The following COL8A1 variants were observed in gnomAD, a reference collection of about 807,000 sequenced individuals.
The protein encoded by COL8A1 is collagen type VIII alpha 1 chain.
In COL8A1, 21 loss-of-function variants were observed where a neutral mutation model predicts 42.7. The observed-to-expected ratio is 0.49, with a 90% confidence interval of 0.35 to 0.71. The LOEUF is 0.71. Ranked by LOEUF, COL8A1 falls within the 30% of genes least tolerant of loss-of-function variation. The pLI, the probability that COL8A1 is intolerant of heterozygous loss-of-function variation, is 0.01. For synonymous variants in COL8A1, 367 were observed against 369.1 expected (o/e 0.99, Z 0.06); for missense variants, 788 against 962.4 (o/e 0.82, Z 2.40).
chr3:99,665,780 C>T (rs1429207499), intron 1 of COL8A1, among the ~76,000 whole-genome samples: 1 of 145,478 alleles, frequency 6.9e-6, no homozygotes, highest in Non-Finnish European at 1.5e-5. Flanking sequence ...CTCCCGGGTT[C>T]AAGCAATTCT....
At chr3:99,757,466 G>A (rs888156904) in intron 2 of COL8A1, among the ~76,000 whole-genome samples, 1 of 152,084 alleles carries the variant, frequency 6.6e-6, no homozygotes, top group Non-Finnish European at 1.5e-5. Context: ...GAGCACTGCC[G>A]ACCTGAAAAG....
chr3:99,689,545 G>T (rs1160607473), intron 1 of COL8A1, among the ~76,000 whole-genome samples: 2 of 151,990 alleles, frequency 1.3e-5, no homozygotes, highest in Non-Finnish European at 1.5e-5. Context: ...TTAGTCATTT[G>T]TACACTTCTT....
At chr3:99,697,890 A>G (rs1396880128) in intron 1 of COL8A1, among the ~76,000 whole-genome samples, 2 of 152,138 alleles carry the variant, frequency 1.3e-5, no homozygotes, top group Non-Finnish European at 2.9e-5. Context: ...ATAGGTATAC[A>G]TGTGCCATGT....
chr3:99,671,006 A>T (rs937611495), intron 1 of COL8A1, among the ~76,000 whole-genome samples: 3 of 150,992 alleles, frequency 2.0e-5, no homozygotes, highest in Non-Finnish European at 4.4e-5. Context: ...TGTGTTAGAG[A>T]TGTGTGTGTT....
At chr3:99,743,466 T>C (rs139927803) in intron 1 of COL8A1, among the ~76,000 whole-genome samples, 102 of 152,338 alleles carry the variant, frequency 6.7e-4, no homozygotes, top group Middle Eastern at 6.8e-3. Context: ...CCTTGTACTT[T>C]AGGAACATTA....
chr3:99,752,562 T>C (rs571616545), intron 2 of COL8A1, among the ~76,000 whole-genome samples: 63 of 152,076 alleles, frequency 4.1e-4, no homozygotes, highest in Admixed American at 3.9e-4. Flanking sequence ...AGCTCCAAAG[T>C]TTTTTCCTCT....
At chr3:99,722,921 T>C (rs1195622906) in intron 1 of COL8A1, among the ~76,000 whole-genome samples, 1 of 151,964 alleles carries the variant, frequency 6.6e-6, no homozygotes, top group Non-Finnish European at 1.5e-5. Context: ...AGAATAAACC[T>C]CATGAAATTA....
Position 99,795,837 on chromosome 3 carries a change from T to C in COL8A1, c.1936T>C (p.Tyr646His), listed in dbSNP as rs1318145831. The change falls in exon 4 of 4, where the codon TAC (tyrosine) becomes CAC (histidine). Residue 646 changes from tyrosine to histidine, a missense_variant. Transcript: ENST00000652472. Reference sequence around the variant, plus strand: ...ACTGCTGTATAACGGCAGACAGAACTACAACCCGCAGACAGGCATCTTCAC... The same window carrying C: ...ACTGCTGTATAACGGCAGACAGAACCACAACCCGCAGACAGGCATCTTCAC... ...NKLLYNGRQN[Y>H]NPQTGIFTCE... 6.2e-7 allele frequency: 1 copy of C among 1,614,146 alleles called. No individual in the cohort carries two copies. Among genetic ancestry groups the C allele is most frequent in the African/African-American group, 1.3e-5 (1 of 75,034 alleles).
intron 1 of COL8A1, among the ~76,000 whole-genome samples, chr3:99,646,151 G>C (rs1350384068): frequency 1.3e-5 from 2 of 152,132 alleles, no homozygotes; most frequent in African/African-American, 4.8e-5. Flanking sequence ...TGTGGGGATG[G>C]CTTGTTAAGA....
intron 1 of COL8A1, among the ~76,000 whole-genome samples, chr3:99,669,392 C>T (rs1938474233): frequency 6.6e-6 from 1 of 151,706 alleles, no homozygotes; most frequent in African/African-American, 2.4e-5. Context: ...TCATTCCAGA[C>T]AGGAGCAGGG....
intron 1 of COL8A1, among the ~76,000 whole-genome samples, chr3:99,739,505 C>T (rs994778014): frequency 1.3e-5 from 2 of 152,124 alleles, no homozygotes; most frequent in Non-Finnish European, 2.9e-5. Context: ...CAGGCATTTG[C>T]ATACATCCTT....
At chr3:99,726,759 C>T (rs1464198423) in intron 1 of COL8A1, among the ~76,000 whole-genome samples, 1 of 151,684 alleles carries the variant, frequency 6.6e-6, no homozygotes, top group Non-Finnish European at 1.5e-5. Context: ...CTGTTCTGTT[C>T]CATTGATCTA....
intron 1 of COL8A1, among the ~76,000 whole-genome samples, chr3:99,723,389 CT>C (rs1940210814): frequency 6.6e-6 from 1 of 152,172 alleles, no homozygotes; most frequent in African/African-American, 2.4e-5. Context: ...AGATTAGTTC[CT>C]GACAATGCTC....
chr3:99,776,340 T>C (rs1184605205), intron 2 of COL8A1, among the ~76,000 whole-genome samples: 5 of 152,164 alleles, frequency 3.3e-5, no homozygotes, highest in East Asian at 1.9e-4. Flanking sequence ...TTTTTTTTCA[T>C]GTCTGTCTTT....
rs1276385393 is a variant in COL8A1, at chr3:99,799,180, A to G, written c.*3044A>G. On this transcript the variant is annotated 3_prime_UTR_variant, in exon 4 of 4. Transcript: ENST00000652472. ...ATCATTTTTGTATTTAAATTTTTGT[A>G]CTGATTTGAAAAACATCATTAAATA... 2.6e-5 allele frequency: 4 copies of G among 152,342 alleles called. No individual in the cohort carries two copies. The South Asian group carries it at 6.2e-4, about 24-fold the overall frequency. The allele number at this position is 152,342 out of a possible 1,614,324, so 9.4% of individuals were successfully genotyped here. A position where few individuals can be genotyped will look rare whatever the true frequency, so the allele number is the denominator to read the frequency against.
chr3:99,752,242 A>G (rs1289631040), intron 2 of COL8A1, among the ~76,000 whole-genome samples: 1 of 152,148 alleles, frequency 6.6e-6, no homozygotes. Flanking sequence ...TGTCATCTGT[A>G]AAGTAGAAAT....
At chr3:99,677,267 C>A (rs1395777425) in intron 1 of COL8A1, among the ~76,000 whole-genome samples, 1 of 151,882 alleles carries the variant, frequency 6.6e-6, no homozygotes, top group Non-Finnish European at 1.5e-5. Context: ...AAAATACAAC[C>A]AAAATCAATA....
At chr3:99,656,884 G>A (rs1470126076) in intron 1 of COL8A1, among the ~76,000 whole-genome samples, 1 of 152,180 alleles carries the variant, frequency 6.6e-6, no homozygotes, top group East Asian at 1.9e-4. Flanking sequence ...TTATGCATTT[G>A]TGAGAAAAGT....
At position 99,796,356 on chromosome 3, in the gene COL8A1, G is replaced by A. The variant is rs1184752879; in HGVS notation, c.*220G>A. 22 of 428,976 alleles carry A rather than the reference G, an allele frequency of 5.1e-5. No homozygotes were observed. The highest frequency in any genetic ancestry group is 4.1e-6 in the Non-Finnish European group (1 of 241,632). 26.6% of individuals were successfully genotyped at this position (428,976 alleles called of 1,614,324 possible). On this transcript the variant is annotated 3_prime_UTR_variant, in exon 4 of 4. Transcript: ENST00000652472. ...ATTGCGAATGATGGGATAGAGTTAT[G>A]TATCAAGTACTGACACTTGGTTGTA... is the stretch of plus-strand genomic sequence containing the variant.
Sources: allele counts gnomAD v4.1 joint callset (sites outside exome capture counted in the v4.1 genomes callset), GRCh38; gene constraint gnomAD v4.1.1; transcripts MANE v1.5; gene names NCBI Gene and HGNC (gene_info 2026-07-23, HGNC 2026-07-21).